The following USP18 variants were observed in gnomAD, a reference collection of about 807,000 sequenced individuals.
The protein encoded by USP18 is ubl carboxyl-terminal hydrolase 18.
Under a neutral mutation model 48.7 loss-of-function variants are expected in USP18, and 11 were observed. The ratio of observed to expected loss-of-function variants is 0.23; its 90% CI spans 0.14 to 0.37. USP18 has a LOEUF of 0.37. Among genes scored for constraint, USP18 ranks in the 10% least tolerant of loss-of-function variants. The probability of loss-of-function intolerance (pLI) is 1.00; values close to 1 mark genes in which losing one functional copy is unlikely to be tolerated. For missense variants in USP18, 285 were observed against 436.4 expected (o/e 0.65, Z 3.09); for synonymous variants, 114 against 163.2 (o/e 0.70, Z 2.30).
intron 1 of USP18, among the ~76,000 whole-genome samples, chr22:18,156,609 G>C (rs1028229470): frequency 6.6e-6 from 1 of 151,114 alleles, no homozygotes; most frequent in Non-Finnish European, 1.5e-5. Flanking sequence ...TGAAGCCAGC[G>C]ACACCACGAA....
At chr22:18,162,465 GT>G (rs534431659) in intron 4 of USP18, among the ~76,000 whole-genome samples, 181 of 149,602 alleles carry the variant, frequency 1.2e-3, no homozygotes, top group Admixed American at 5.5e-3. Flanking sequence ...ACACTTACGG[GT>G]TTTCCCTTGT....
chr22:18,174,919 G>T (rs994033076), intron 10 of USP18, among the ~76,000 whole-genome samples: 10 of 151,676 alleles, frequency 6.6e-5, no homozygotes, highest in African/African-American at 2.4e-4. Flanking sequence ...TTGTTTGTTT[G>T]TTTGTTTGTT....
chr22:18,157,698 G>C lies in USP18; in HGVS notation c.35G>C (p.Cys12Ser). Residue 12 changes from cysteine to serine, a missense_variant, in exon 2 of 11, where the codon TGT (cysteine) becomes TCT (serine). Physicochemically the swap from Cys to Ser is moderately radical, Grantham distance 112. Transcript: ENST00000215794. ...GCGTTTGGGCTCCTGAGGCAAATCT[G>C]TCAGTCCATCCTGGCTGAGTCCTCG... is the stretch of plus-strand genomic sequence containing the variant. Reference protein sequence around the residue: ...SKAFGLLRQICQSILAESSQS... With the variant: ...SKAFGLLRQISQSILAESSQS... The C allele has an allele frequency of 6.2e-7, 1 of 1,614,084 alleles. No individual in the cohort carries two copies. Among genetic ancestry groups the C allele is most frequent in the Non-Finnish European group, 8.5e-7 (1 of 1,180,010 alleles).
chr22:18,167,828 A>G (rs1929519347), intron 5 of USP18, 62 bp from the exon 6 acceptor site: 1 of 1,551,356 alleles, frequency 6.4e-7, no homozygotes, highest in East Asian at 2.3e-5. Flanking sequence ...ACCTTCTGGC[A>G]GTTGGCCTGA....
At chr22:18,172,655 G>C (rs1442444154) in intron 8 of USP18, among the ~76,000 whole-genome samples, 6 of 151,204 alleles carry the variant, frequency 4.0e-5, no homozygotes, top group Non-Finnish European at 8.8e-5. Context: ...TACAGATATT[G>C]CCCTGCATTT....
intron 4 of USP18, among the ~76,000 whole-genome samples, chr22:18,163,332 G>T (rs1380960028): frequency 6.6e-6 from 1 of 151,916 alleles, no homozygotes; most frequent in Non-Finnish European, 1.5e-5. Flanking sequence ...GTTATTTTCT[G>T]TACTTTAGTT....
In USP18 at chr22:18,169,792, C is replaced by G. The variant is rs143492627; in HGVS notation, c.628-52C>G. The G allele has an allele frequency of 3.3e-3, 5,013 of 1,541,458 alleles. 181 individuals are homozygous for G. In the East Asian group the frequency reaches 0.091, roughly 28 times the overall value. On this transcript the variant is annotated intron_variant, in intron 6 of 10. Transcript: ENST00000215794. ...TGTGAGAACAGATGAATATAGTATT[C>G]TAGGTGGGAAATACCAACGCTGCTT...
At chr22:18,151,667 TGAGA>T (rs1207987539) in intron 1 of USP18, among the ~76,000 whole-genome samples, 1 of 152,070 alleles carries the variant, frequency 6.6e-6, no homozygotes, top group Non-Finnish European at 1.5e-5. Context: ...TTTTTTTTTT[TGAGA>T]GAGAGTAGTC....
chr22:18,171,306 GATA>G (rs1440176082), intron 8 of USP18, among the ~76,000 whole-genome samples: 1 of 96,364 alleles, frequency 1.0e-5, no homozygotes, highest in Non-Finnish European at 2.0e-5. Flanking sequence ...CTTGTCCTGA[GATA>G]ATAACTTATC....
Position 18,161,946 on chromosome 22 carries a change from C to G in USP18, c.400+11C>G, listed in dbSNP as rs201047574. ...AGTGCAACGTGCCCTGTAAGATACCCTCCCACTGGGCTCCTGGCTGCTGAT... is the reference window on the plus strand; with the variant it reads ...AGTGCAACGTGCCCTGTAAGATACCGTCCCACTGGGCTCCTGGCTGCTGAT... On this transcript the variant is annotated intron_variant, in intron 4 of 10. Coordinates refer to ENST00000215794, the MANE Select transcript of USP18 (RefSeq NM_017414.4). 73 of 1,603,424 alleles carry G rather than the reference C, an allele frequency of 4.6e-5. No homozygotes were observed. In the East Asian group the frequency reaches 1.3e-3, roughly 29 times the overall value.
chr22:18,156,352 G>A (rs1057130768), intron 1 of USP18, among the ~76,000 whole-genome samples: 3 of 152,254 alleles, frequency 2.0e-5, no homozygotes, highest in Admixed American at 6.5e-5. Flanking sequence ...CGAGCCAGCA[G>A]TGGCAACCTG....
At chr22:18,171,906 T>G (rs959594467) in intron 8 of USP18, among the ~76,000 whole-genome samples, 19 of 152,098 alleles carry the variant, frequency 1.2e-4, no homozygotes, top group Non-Finnish European at 2.4e-4. Flanking sequence ...TTTTCTTTCC[T>G]TCTAGTTCTT....
intron 3 of USP18, among the ~76,000 whole-genome samples, chr22:18,160,910 C>T (rs925118605): frequency 4.2e-4 from 64 of 150,628 alleles, no homozygotes; most frequent in African/African-American, 1.3e-3. Flanking sequence ...GCTGGGATTA[C>T]AGGCGCCCGC....
chr22:18,171,820 T>C (rs1204642854), intron 8 of USP18, among the ~76,000 whole-genome samples: 1 of 152,194 alleles, frequency 6.6e-6, no homozygotes, highest in Non-Finnish European at 1.5e-5. Flanking sequence ...TAAGACCTGA[T>C]AATATGTTAC....
chr22:18,167,399 T>C (rs1929503306), intron 5 of USP18, 65 bp downstream of exon 5: 1 of 1,589,438 alleles, frequency 6.3e-7, no homozygotes, highest in Non-Finnish European at 8.6e-7. Flanking sequence ...ATTCAGCTGT[T>C]GTTCCCGTAG....
chr22:18,173,440 A>C (rs1330377009), intron 9 of USP18, among the ~76,000 whole-genome samples, 159 bp downstream of exon 9: 1 of 152,086 alleles, frequency 6.6e-6, no homozygotes, highest in Admixed American at 6.5e-5. Flanking sequence ...TTCGGTCTGA[A>C]GTCCCCATGT....
rs1929287324 is a variant in USP18, at chr22:18,160,120, A to G, written c.158-52A>G. On this transcript the variant is annotated intron_variant, in intron 2 of 10. Coordinates refer to ENST00000215794, the MANE Select transcript of USP18 (RefSeq NM_017414.4). ...TGAGCCACCATGCCCAGCCTTGTCA[A>G]CTTCTTTACCCTAGGCCTTGCCCTC... The G allele has an allele frequency of 3.8e-6, 6 of 1,571,838 alleles. No individual in the cohort carries two copies. In the Admixed American group the frequency reaches 1.0e-4, roughly 26 times the overall value.
intron 3 of USP18, 64 bp from the exon 4 acceptor site, chr22:18,161,726 T>C: frequency 1.5e-5 from 21 of 1,381,632 alleles, no homozygotes; most frequent in Non-Finnish European, 2.0e-5. Flanking sequence ...CCCAGGTGAT[T>C]CCAGTGTGCA....
chr22:18,154,410 T>A, intron 1 of USP18, among the ~76,000 whole-genome samples: 1 of 152,254 alleles, frequency 6.6e-6, no homozygotes, highest in South Asian at 2.1e-4. Context: ...TTATAAGAAA[T>A]AGTGCTTCGA....
Sources: allele counts gnomAD v4.1 joint callset (sites outside exome capture counted in the v4.1 genomes callset), GRCh38; gene constraint gnomAD v4.1.1; transcripts MANE v1.5; gene names NCBI Gene and HGNC (gene_info 2026-07-23, HGNC 2026-07-21).